Variants in NEDD4L observed in about 807,000 individuals in gnomAD.
NEDD4L encodes E3 ubiquitin-protein ligase NEDD4-like.
NEDD4L carries 54 observed loss-of-function variants against 148.9 expected under a neutral mutation model. The observed-to-expected ratio is 0.36, with a 90% CI of 0.29 to 0.45. The LOEUF (loss-of-function observed/expected upper bound fraction) is 0.45, where lower values mean the gene tolerates loss of function less well. Ranked by LOEUF, NEDD4L falls within the 20% of genes least tolerant of loss-of-function variation. The probability of loss-of-function intolerance (pLI) is 1.00; values close to 1 mark genes in which losing one functional copy is unlikely to be tolerated. For missense variants in NEDD4L, 856 were observed against 1,233.8 expected, an observed-to-expected ratio of 0.69 and a Z score of 4.59; for synonymous variants, 433 against 440.7, an observed-to-expected ratio of 0.98 and a Z score of 0.22.
chr18:58,276,143 G>A (rs1476339520), intron 5 of NEDD4L, among the ~76,000 whole-genome samples: 8 of 149,820 alleles, frequency 5.3e-5, no homozygotes, highest in African/African-American at 1.5e-4. Flanking sequence ...ACAACCTAAC[G>A]GAGTATAGTA....
chr18:58,378,047 A>C (rs1313445394), intron 24 of NEDD4L, among the ~76,000 whole-genome samples: 1 of 152,084 alleles, frequency 6.6e-6, no homozygotes, highest in East Asian at 1.9e-4. Context: ...GCTTGGCCTG[A>C]TTTGATTGTT....
chr18:58,297,119 C>T (rs1214285438), intron 5 of NEDD4L, among the ~76,000 whole-genome samples: 2 of 152,152 alleles, frequency 1.3e-5, no homozygotes, highest in Non-Finnish European at 2.9e-5. Flanking sequence ...TAAACAAGGA[C>T]ACTTGTGACT....
chr18:58,269,228 A>T (rs906686257), intron 5 of NEDD4L, among the ~76,000 whole-genome samples: 2 of 152,030 alleles, frequency 1.3e-5, no homozygotes, highest in East Asian at 3.9e-4. Flanking sequence ...AGCTGGGGAG[A>T]TGGGATCGAG....
chr18:58,064,458 C>A lies in NEDD4L; in HGVS notation c.48+19750C>A, dbSNP rs116793082. 2.2e-3 allele frequency among the ~76,000 whole-genome samples: 342 copies of A among 152,278 alleles called. 3 individuals carry two copies. The highest frequency in any genetic ancestry group is 8.0e-3 in the African/African-American group (332 of 41,560). On this transcript the variant is annotated intron_variant, in intron 1 of 30. Transcript: ENST00000400345. Reference sequence around the variant, plus strand: ...TGCTATTTTATTAAAACTCTATCATCTGTGCTCAGGAAGTCATGGCTGCTA... The same window carrying A: ...TGCTATTTTATTAAAACTCTATCATATGTGCTCAGGAAGTCATGGCTGCTA...
intron 25 of NEDD4L, 41 bp from the exon 26 acceptor site, chr18:58,385,485 A>G (rs1322532080): frequency 3.3e-6 from 5 of 1,517,288 alleles, no homozygotes; most frequent in South Asian, 2.2e-5. Flanking sequence ...AGCACTAGTG[A>G]TGATGGAGGT....
intron 1 of NEDD4L, among the ~76,000 whole-genome samples, chr18:58,049,764 T>G (rs1462034398): frequency 6.6e-6 from 1 of 151,824 alleles, no homozygotes; most frequent in Non-Finnish European, 1.5e-5. Flanking sequence ...ATCACTTGAG[T>G]TCAGGAGTTT....
At chr18:58,302,179 G>A (rs1427437568) in intron 5 of NEDD4L, among the ~76,000 whole-genome samples, 1 of 152,038 alleles carries the variant, frequency 6.6e-6, no homozygotes, top group Non-Finnish European at 1.5e-5. Flanking sequence ...TACGTAAATG[G>A]CCTCTTCAGT....
rs185950116 is a variant in NEDD4L, at chr18:58,082,268, C to T, written c.48+37560C>T. 5.0e-3 allele frequency among the ~76,000 whole-genome samples: 738 copies of T among 147,884 alleles called. 12 individuals carry two copies. Among genetic ancestry groups the T allele is most frequent in the Admixed American group, 0.024 (354 of 14,916 alleles). On this transcript the variant is annotated intron_variant, in intron 1 of 30. Transcript: ENST00000400345. ...GATTACAGGAGCCTGCCACAACGCC[C>T]GGCTAATTTTTGTATTTTTAGTAGA...
intron 1 of NEDD4L, among the ~76,000 whole-genome samples, chr18:58,127,840 C>CAAAA (rs113559692): frequency 4.4e-5 from 5 of 114,130 alleles, no homozygotes; most frequent in African/African-American, 1.0e-4. Flanking sequence ...GACTCCGTCT[C>CAAAA]AAAAAAAAAA....
At chr18:58,274,379 G>C (rs922267017) in intron 5 of NEDD4L, among the ~76,000 whole-genome samples, 8 of 152,188 alleles carry the variant, frequency 5.3e-5, no homozygotes, top group Non-Finnish European at 1.2e-4. Flanking sequence ...GCCTCCGCCT[G>C]TACGTGAGCT....
chr18:58,221,603 T>C (rs2043782881), intron 2 of NEDD4L: 1 of 985,300 alleles, frequency 1.0e-6, no homozygotes, highest in Non-Finnish European at 1.2e-6. Context: ...ATTCCCCCGG[T>C]ATCAGCAGAG....
chr18:58,367,059 T>C (rs1055756781), intron 21 of NEDD4L: 35 of 152,250 alleles, frequency 2.3e-4, no homozygotes, highest in Admixed American at 2.3e-3. Flanking sequence ...TATCCAACTA[T>C]TGAAGGTGGA....
At chr18:58,211,135 C>A (rs1189493480) in intron 2 of NEDD4L, among the ~76,000 whole-genome samples, 1 of 152,122 alleles carries the variant, frequency 6.6e-6, no homozygotes, top group Admixed American at 6.6e-5. Context: ...CACACACACA[C>A]CACAGCAAAT....
chr18:58,235,360 A>T (rs563688952), intron 2 of NEDD4L, among the ~76,000 whole-genome samples: 1 of 152,294 alleles, frequency 6.6e-6, no homozygotes, highest in East Asian at 1.9e-4. Context: ...ATAGGTGCTC[A>T]GCAGCGTCCC....
At chr18:58,156,311 T>C (rs987723388) in intron 1 of NEDD4L, among the ~76,000 whole-genome samples, 3 of 152,256 alleles carry the variant, frequency 2.0e-5, no homozygotes, top group African/African-American at 7.2e-5. Context: ...AGAGATGCTT[T>C]AATTTCATTT....
chr18:58,159,236 A>T (rs895081648), intron 1 of NEDD4L, among the ~76,000 whole-genome samples: 2 of 152,040 alleles, frequency 1.3e-5, no homozygotes, highest in East Asian at 1.9e-4. Context: ...TTTTTAAAAA[A>T]TGCAGGCAGG....
chr18:58,308,458 AG>A (rs2057310119), intron 5 of NEDD4L, among the ~76,000 whole-genome samples: 1 of 152,270 alleles, frequency 6.6e-6, no homozygotes, highest in Non-Finnish European at 1.5e-5. Context: ...GCTGTGCCCC[AG>A]AACCTGTAAG....
Position 58,223,885 on chromosome 18 carries a change from G to A in NEDD4L, c.123-21542G>A, listed in dbSNP as rs146807622. On this transcript the variant is annotated intron_variant, in intron 2 of 30. Coordinates refer to ENST00000400345, the MANE Select transcript of NEDD4L (RefSeq NM_001144967.3). Reference sequence around the variant, plus strand: ...GCCCAGAATTCCCCAAGGGTCACTCGACACACCCTCGTCTACAGTAAATAT... The same window carrying A: ...GCCCAGAATTCCCCAAGGGTCACTCAACACACCCTCGTCTACAGTAAATAT... Among the ~76,000 whole-genome samples, 44 of 152,278 alleles carry A rather than the reference G, an allele frequency of 2.9e-4. 1 individual carries two copies. In the East Asian group the frequency reaches 7.9e-3, roughly 27 times the overall value.
chr18:58,120,788 GA>G (rs2086192458), intron 1 of NEDD4L, among the ~76,000 whole-genome samples: 1 of 151,856 alleles, frequency 6.6e-6, no homozygotes, highest in African/African-American at 2.4e-5. Flanking sequence ...TCAAAAAAAA[GA>G]AAAAAAGTCC....
Sources: gnomAD v4.1 joint callset for allele counts (sites outside exome capture counted in the v4.1 genomes callset) on GRCh38, gnomAD v4.1.1 for gene constraint, MANE v1.5 for transcripts, NCBI Gene and HGNC (gene_info 2026-07-23, HGNC 2026-07-21) for gene names.